The following RGS4 variants were observed in gnomAD, a reference collection of about 807,000 sequenced individuals.
RGS4 encodes the protein regulator of G protein signaling 4, also known as schizophrenia disorder 9.
A neutral mutation model predicts 21.6 loss-of-function variants in RGS4; 15 were observed. That is an observed-to-expected ratio of 0.69 (90% confidence interval 0.46 to 1.07). The LOEUF (loss-of-function observed/expected upper bound fraction) is 1.07, where lower values mean the gene tolerates loss of function less well. RGS4 is among the 50% of genes least tolerant of loss of function. The pLI is 0.00. For synonymous variants in RGS4, 94 were observed against 85.5 expected (o/e 1.10, Z -0.55); for missense variants, 237 against 239.0 (o/e 0.99, Z 0.06).
chr1:163,069,139 G>T, upstream of RGS4: 1 of 1,499,806 alleles, frequency 6.7e-7, no homozygotes, highest in Non-Finnish European at 8.9e-7. Flanking sequence ...CTCTGACATT[G>T]GTGGAGACAT....
At chr1:163,068,987 T>TC (rs1655211130), upstream of RGS4, 1 of 1,605,284 alleles carries the variant, frequency 6.2e-7, no homozygotes, top group Admixed American at 1.7e-5. Flanking sequence ...GGGAGTCAGC[T>TC]CCTAAGTAAG....
intron 1 of RGS4, chr1:163,071,855 G>C (rs1420527627): frequency 8.3e-3 from 15 of 1,818 alleles, no homozygotes; most frequent in Admixed American, 0.011. Flanking sequence ...GGAACTGCTT[G>C]CCCCCCCCCC....
rs751052850 is a variant in RGS4, at chr1:163,074,635, T to A, written c.*75T>A. ...AAACCTGAGGCCAAATATTGATCTGTATTAAGCTCCAGTGCTTTATCCACA... is the reference window on the plus strand; with the variant it reads ...AAACCTGAGGCCAAATATTGATCTGAATTAAGCTCCAGTGCTTTATCCACA... On this transcript the variant is annotated 3_prime_UTR_variant, in exon 5 of 5. Coordinates refer to ENST00000367909, the MANE Select transcript of RGS4 (RefSeq NM_005613.6). 3.7e-6 allele frequency: 6 copies of A among 1,601,010 alleles called. No homozygotes were observed. The highest frequency in any genetic ancestry group is 3.4e-6 in the Non-Finnish European group (4 of 1,168,978).
chr1:163,075,294 G>A lies in RGS4; in HGVS notation c.*734G>A, dbSNP rs574764346. The A allele has an allele frequency of 6.6e-6, 1 of 152,574 alleles. No homozygotes were observed. Among genetic ancestry groups the A allele is most frequent in the South Asian group, 2.1e-4 (1 of 4,830 alleles). 9.5% of individuals were successfully genotyped at this position (152,574 alleles called of 1,614,324 possible). A position where few individuals can be genotyped will look rare whatever the true frequency, so the allele number is the denominator to read the frequency against. ...AAGAAATGCTAACCTGTGGAAAGTT[G>A]GTTTTGTAAAATTCCATGGATCTTG... On this transcript the variant is annotated 3_prime_UTR_variant, in exon 5 of 5. Coordinates refer to ENST00000367909, the MANE Select transcript of RGS4 (RefSeq NM_005613.6).
intron 1 of RGS4, chr1:163,071,871 C>A (rs963686052): frequency 3.1e-4 from 19 of 61,194 alleles, no homozygotes; most frequent in Admixed American, 1.3e-3. Flanking sequence ...CCCCCCCCCC[C>A]CCAACATACA....
chr1:163,074,330 G>T lies in RGS4; in HGVS notation c.388G>T (p.Asp130Tyr). The T allele has an allele frequency of 6.2e-7, 1 of 1,613,718 alleles. No individual in the cohort carries two copies. The highest frequency in any genetic ancestry group is 1.1e-5 in the South Asian group (1 of 91,060). ...GGCCTTTGCCCCTCAGGTGAACCTG[G>T]ATTCTTGCACCAGGGAAGAGACAAG... ...SVQATKEVNL[D>Y]SCTREETSRN... The change falls in exon 5 of 5, where the codon GAT becomes TAT. Residue 130 changes from aspartate (D) to tyrosine (Y), a missense_variant. Asp to Tyr is a radical substitution (Grantham distance 160, BLOSUM62 -3). Transcript: ENST00000367909.
Position 163,074,725 on chromosome 1 carries a change from C to G in RGS4, c.*165C>G, listed in dbSNP as rs970099702. ...ACTTCTACGCATAAACTAGATATAG[C>G]TTTTGGTGTTTGAGTGTTCATCAGG... On this transcript the variant is annotated 3_prime_UTR_variant, in exon 5 of 5. Coordinates refer to ENST00000367909, the MANE Select transcript of RGS4 (RefSeq NM_005613.6). 9.7e-7 allele frequency: 1 copy of G among 1,035,506 alleles called. No homozygotes were observed. The highest frequency in any genetic ancestry group is 1.3e-5 in the South Asian group (1 of 75,100). 64.1% of individuals were successfully genotyped at this position (1,035,506 alleles called of 1,614,324 possible). A position where few individuals can be genotyped will look rare whatever the true frequency, so the allele number is the denominator to read the frequency against.
chr1:163,068,993 G>A, upstream of RGS4: 1 of 1,603,470 alleles, frequency 6.2e-7, no homozygotes, highest in Non-Finnish European at 8.5e-7. Context: ...CAGCTCCTAA[G>A]TAAGCTCCAG....
rs368964432 is a variant in RGS4, at chr1:163,074,481, C to T, written c.539C>T (p.Pro180Leu). Reference sequence around the variant, plus strand: ...CGATTCTATCTTGATTTGGTCAACCCGTCCAGCTGTGGGGCAGAAAAGCAG... The same window carrying T: ...CGATTCTATCTTGATTTGGTCAACCTGTCCAGCTGTGGGGCAGAAAAGCAG... ...KSRFYLDLVNPSSCGAEKQKG... is the reference protein window; with the variant it reads ...KSRFYLDLVNLSSCGAEKQKG... The change falls in exon 5 of 5, where the codon CCG (proline) becomes CTG (leucine). Residue 180 changes from proline (P) to leucine (L), a missense_variant. Physicochemically the swap from Pro to Leu is moderately conservative, Grantham distance 98. Transcript: ENST00000367909. 41 of 1,613,898 alleles carry T rather than the reference C, an allele frequency of 2.5e-5. No individual in the cohort carries two copies. Among genetic ancestry groups the T allele is most frequent in the Admixed American group, 3.3e-5 (2 of 59,994 alleles).
Position 163,072,857 on chromosome 1 carries a change from AG to A in RGS4, c.203del (p.Ser68IlefsTer13). On this transcript the variant is annotated frameshift_variant, in exon 3 of 5. Coordinates refer to ENST00000367909, the MANE Select transcript of RGS4 (RefSeq NM_005613.6). LOFTEE classifies it high-confidence loss of function. ...KWAESLENLI[S>X]HECGLAAFKA... ...GGCTGAATCACTGGAAAACCTGATT[AG>A]TCATGAATGTAAGTCTGACAGCAAC... 6.2e-7 allele frequency: 1 copy of A among 1,613,022 alleles called. No individual in the cohort carries two copies. Among genetic ancestry groups the A allele is most frequent in the Non-Finnish European group, 8.5e-7 (1 of 1,179,300 alleles).
Position 163,075,061 on chromosome 1 carries a change from ATAGATGTCTG to A in RGS4, c.*503_*512del. On this transcript the variant is annotated 3_prime_UTR_variant, in exon 5 of 5. Transcript: ENST00000367909. Reference sequence around the variant, plus strand: ...ACACACATATACATTATTTCTGTATATAGATGTCTGTGTATACATATGTATGTGTGAGTGT... The same window carrying A: ...ACACACATATACATTATTTCTGTATATGTATACATATGTATGTGTGAGTGT... The A allele has an allele frequency of 4.3e-6, 1 of 231,640 alleles. No individual in the cohort carries two copies. The highest frequency in any genetic ancestry group is 1.0e-4 in the East Asian group (1 of 9,638). 14.3% of individuals were successfully genotyped at this position (231,640 alleles called of 1,614,324 possible).
At position 163,074,720 on chromosome 1, in the gene RGS4, T is replaced by C; in HGVS notation, c.*160T>C. ...GAGTCACTTCTACGCATAAACTAGATATAGCTTTTGGTGTTTGAGTGTTCA... is the reference window on the plus strand; with the variant it reads ...GAGTCACTTCTACGCATAAACTAGACATAGCTTTTGGTGTTTGAGTGTTCA... On this transcript the variant is annotated 3_prime_UTR_variant, in exon 5 of 5. Coordinates refer to ENST00000367909, the MANE Select transcript of RGS4 (RefSeq NM_005613.6). 1 of 1,065,086 alleles carries C rather than the reference T, an allele frequency of 9.4e-7. No individual in the cohort carries two copies. Among genetic ancestry groups the C allele is most frequent in the African/African-American group, 1.6e-5 (1 of 64,472 alleles). 66.0% of individuals were successfully genotyped at this position (1,065,086 alleles called of 1,614,324 possible). A position where few individuals can be genotyped will look rare whatever the true frequency, so the allele number is the denominator to read the frequency against.
rs1239266912 is a variant in RGS4, at chr1:163,069,440, T to C, written c.-45T>C. Reference sequence around the variant, plus strand: ...TCAAAGCCGAAGCCACAGCTCCTCCTGCCGCATTTCTTTCCTGCTTGCGAA... The same window carrying C: ...TCAAAGCCGAAGCCACAGCTCCTCCCGCCGCATTTCTTTCCTGCTTGCGAA... On this transcript the variant is annotated 5_prime_UTR_variant, in exon 1 of 5. Coordinates refer to ENST00000367909, the MANE Select transcript of RGS4 (RefSeq NM_005613.6). The C allele has an allele frequency of 1.2e-6, 2 of 1,613,108 alleles. No homozygotes were observed. Among genetic ancestry groups the C allele is most frequent in the Non-Finnish European group, 1.7e-6 (2 of 1,179,636 alleles).
rs1215318054 is a variant in RGS4 at position 163,076,275 on chromosome 1, A to G, written c.*1715A>G. The G allele has an allele frequency of 1.3e-5, 2 of 152,572 alleles. No individual in the cohort carries two copies. Among genetic ancestry groups the G allele is most frequent in the East Asian group, 1.9e-4 (1 of 5,186 alleles). 9.5% of individuals were successfully genotyped at this position (152,572 alleles called of 1,614,324 possible). A position where few individuals can be genotyped will look rare whatever the true frequency, so the allele number is the denominator to read the frequency against. ...ACCTTTCTGGCTTTTAAGCCAATAT[A>G]ATGGGCTGCAAAATGAAGACACCAG... On this transcript the variant is annotated 3_prime_UTR_variant, in exon 5 of 5. Transcript: ENST00000367909.
In RGS4 at chr1:163,072,506, G is replaced by T. The variant is rs1484239021; in HGVS notation, c.149+7G>T. On this transcript the variant is annotated splice_region_variant and intron_variant, in intron 2 of 4. Coordinates refer to ENST00000367909, the MANE Select transcript of RGS4 (RefSeq NM_005613.6). ...AAGTGGTTATTTGCCAGAGGTAAGAGAAAAGGCCTTGGTGAAGATGTACTT... is the reference window on the plus strand; with the variant it reads ...AAGTGGTTATTTGCCAGAGGTAAGATAAAAGGCCTTGGTGAAGATGTACTT... The T allele has an allele frequency of 6.4e-7, 1 of 1,569,850 alleles. No individual in the cohort carries two copies.
Position 163,074,565 on chromosome 1 carries a change from C to T in RGS4, c.*5C>T. 5 of 1,613,932 alleles carry T rather than the reference C, an allele frequency of 3.1e-6. No homozygotes were observed. Among genetic ancestry groups the T allele is most frequent in the South Asian group, 2.2e-5 (2 of 91,082 alleles). On this transcript the variant is annotated 3_prime_UTR_variant, in exon 5 of 5. Transcript: ENST00000367909. ...CTGGTCCCTCAGTGTGCCTAATTCTCACCTGAAGGCAGAGGGATGAAATGC... is the reference window on the plus strand; with the variant it reads ...CTGGTCCCTCAGTGTGCCTAATTCTTACCTGAAGGCAGAGGGATGAAATGC...
chr1:163,072,863 G>A lies in RGS4; in HGVS notation c.208G>A (p.Glu70Lys), dbSNP rs754066876. 2.5e-6 allele frequency: 4 copies of A among 1,612,772 alleles called. No individual in the cohort carries two copies. The highest frequency in any genetic ancestry group is 1.3e-5 in the African/African-American group (1 of 74,968). ...AESLENLISH[E>K]CGLAAFKAFL... is the part of the protein sequence containing the mutation. ...ATCACTGGAAAACCTGATTAGTCAT[G>A]AATGTAAGTCTGACAGCAACCTGGG... The change falls in exon 3 of 5, where the codon GAA becomes AAA. Residue 70 changes from glutamate (E) to lysine (K), a missense_variant. Physicochemically the swap from Glu to Lys is moderately conservative, Grantham distance 56 (BLOSUM62 1). Coordinates refer to ENST00000367909, the MANE Select transcript of RGS4 (RefSeq NM_005613.6).
chr1:163,076,723 G>C lies in RGS4; in HGVS notation c.*2163G>C, dbSNP rs1183982183. The C allele has an allele frequency of 6.6e-6, 1 of 152,074 alleles. No homozygotes were observed. The allele number at this position is 152,074 out of a possible 1,614,324, so 9.4% of individuals were successfully genotyped here. On this transcript the variant is annotated 3_prime_UTR_variant, in exon 5 of 5. Coordinates refer to ENST00000367909, the MANE Select transcript of RGS4 (RefSeq NM_005613.6). The stretch of plus-strand genomic sequence containing the variant: ...GCATGCCTGTTTCTATCATGTGCTT[G>C]ATAGGCCTCAAAGCTAATGCTTCCA...
chr1:163,074,269 G>C (rs1655422620), intron 4 of RGS4, 52 bp from the exon 5 acceptor site: 1 of 1,608,434 alleles, frequency 6.2e-7, no homozygotes, highest in Non-Finnish European at 8.5e-7. Flanking sequence ...ATACAGGCTT[G>C]CATCCTCAAC....
Sources: allele counts gnomAD v4.1 joint callset, GRCh38; gene constraint gnomAD v4.1.1; transcripts MANE v1.5; gene names NCBI Gene and HGNC (gene_info 2026-07-23, HGNC 2026-07-21).